CTPS2: variants seen among roughly 807,000 people sequenced by gnomAD.
CTPS2 encodes the protein CTP synthase 2, also known as CTP synthase II.
CTPS2 carries 19 observed loss-of-function variants against 46.8 expected under a neutral mutation model. The observed-to-expected ratio is 0.41, with a 90% CI of 0.28 to 0.60. The LOEUF (loss-of-function observed/expected upper bound fraction) is 0.60. Ranked by LOEUF, CTPS2 falls within the 20% of genes least tolerant of loss-of-function variation. The probability of loss-of-function intolerance (pLI) is 0.35; values close to 1 mark genes in which losing one functional copy is unlikely to be tolerated. For synonymous variants in CTPS2, 151 were observed against 165.2 expected (o/e 0.91, Z 0.66); for missense variants, 286 against 447.6 (o/e 0.64, Z 3.26).
In CTPS2 at chrX:16,602,744, C is replaced by T. The variant is rs764539479; in HGVS notation, c.1691+6797G>A. Among the ~76,000 whole-genome samples, 5 of 112,465 alleles carry T rather than the reference C, an allele frequency of 4.4e-5. No individual in the cohort carries two copies. The East Asian group carries it at 1.4e-3, about 31-fold the overall frequency. On this transcript the variant is annotated intron_variant, in intron 17 of 18. Transcript: ENST00000359276. ...TACAAATTTCACCCAGTGGCTTTAG[C>T]ATCCACTGATGATCCTTATTTGAAT... is the stretch of plus-strand genomic sequence containing the variant.
chrX:16,684,567 A>G, intron 8 of CTPS2, among the ~76,000 whole-genome samples: 1 of 110,373 alleles, frequency 9.1e-6, no homozygotes, highest in Middle Eastern at 4.6e-3. Flanking sequence ...AGAGTACAAG[A>G]GAAACTAGAT....
chrX:16,637,803 T>A (rs952196475), intron 14 of CTPS2, among the ~76,000 whole-genome samples: 2 of 112,402 alleles, frequency 1.8e-5, no homozygotes, highest in Non-Finnish European at 3.8e-5. Flanking sequence ...TGGCTTTTTA[T>A]GCAGAGAAAG....
At chrX:16,662,512 A>G (rs184585099) in intron 13 of CTPS2, among the ~76,000 whole-genome samples, 95 of 111,009 alleles carry the variant, frequency 8.6e-4, no homozygotes, top group African/African-American at 3.0e-3. Flanking sequence ...GAGGGTCATG[A>G]TGACCTATGA....
At chrX:16,668,388 C>T (rs1921378082) in intron 11 of CTPS2, among the ~76,000 whole-genome samples, 2 of 102,377 alleles carry the variant, frequency 2.0e-5, no homozygotes, top group African/African-American at 7.2e-5. Flanking sequence ...TCCTGGCTAA[C>T]ATGGTGAAAC....
chrX:16,698,200 C>G (rs1239349287), intron 4 of CTPS2, 36 bp downstream of exon 4: 1 of 982,621 alleles, frequency 1.0e-6, no homozygotes, highest in Non-Finnish European at 1.5e-6. Context: ...AAAGACCCAG[C>G]AGGATATAAT....
At chrX:16,636,510 C>T (rs762312792) in intron 14 of CTPS2, among the ~76,000 whole-genome samples, 129 of 112,526 alleles carry the variant, frequency 1.1e-3, no homozygotes, top group African/African-American at 4.0e-3. Context: ...TTAGTGGTTG[C>T]CAGGGGCTGG....
intron 17 of CTPS2, 171 bp from the exon 18 acceptor site, chrX:16,591,033 A>C (rs1222969975): frequency 8.7e-6 from 3 of 344,682 alleles, no homozygotes; most frequent in Non-Finnish European, 1.5e-5. Context: ...GTCCAATCAC[A>C]TGCAATGGCC....
intron 17 of CTPS2, chrX:16,591,187 G>T (rs991905956): frequency 1.3e-5 from 2 of 149,557 alleles, no homozygotes; most frequent in South Asian, 2.5e-4. Flanking sequence ...TTTAATAAAA[G>T]CCTTGAAAGT....
At chrX:16,690,392 C>T (rs960458358) in intron 7 of CTPS2, among the ~76,000 whole-genome samples, 2 of 110,520 alleles carry the variant, frequency 1.8e-5, no homozygotes, top group African/African-American at 3.3e-5. Context: ...AAAGATTGGA[C>T]GCAAACAAAA....
At chrX:16,618,336 A>C (rs1003494171) in intron 15 of CTPS2, among the ~76,000 whole-genome samples, 4 of 112,353 alleles carry the variant, frequency 3.6e-5, no homozygotes, top group African/African-American at 9.7e-5. Context: ...TTGCTTATCT[A>C]TTCGCCAGTT....
chrX:16,683,816 G>C (rs767911848), intron 8 of CTPS2, among the ~76,000 whole-genome samples: 2 of 112,334 alleles, frequency 1.8e-5, no homozygotes, highest in South Asian at 3.7e-4. Flanking sequence ...TATTAACTTT[G>C]TAAGGTGACA....
chrX:16,689,741 A>C (rs1277710238), intron 7 of CTPS2, 140 bp from the exon 8 acceptor site: 9 of 484,740 alleles, frequency 1.9e-5, no homozygotes, highest in Non-Finnish European at 2.7e-5. Context: ...AAAACCCAGC[A>C]ACCAAAGCTA....
intron 13 of CTPS2, among the ~76,000 whole-genome samples, chrX:16,662,978 C>T (rs949156988): frequency 9.0e-6 from 1 of 111,400 alleles, no homozygotes; most frequent in African/African-American, 3.3e-5. Context: ...TAAATTAAAG[C>T]AGCAAAATAA....
intron 4 of CTPS2, among the ~76,000 whole-genome samples, chrX:16,695,164 C>T (rs1307561578): frequency 8.9e-6 from 1 of 111,755 alleles, no homozygotes; most frequent in African/African-American, 3.3e-5. Flanking sequence ...GAGGTCTGCA[C>T]TTAAACTAAA....
chrX:16,688,939 A>C (rs1298692073), intron 8 of CTPS2, among the ~76,000 whole-genome samples: 3 of 101,421 alleles, frequency 3.0e-5, no homozygotes, highest in Non-Finnish European at 3.8e-5. Context: ...ACAAAAAAAA[A>C]AAAATATATA....
At chrX:16,701,711 C>T (rs1298580834) in intron 2 of CTPS2, among the ~76,000 whole-genome samples, 1 of 109,739 alleles carries the variant, frequency 9.1e-6, no homozygotes, top group Non-Finnish European at 1.9e-5. Context: ...CGCCATTCTC[C>T]CACCTTAGCC....
Position 16,667,572 on chromosome X carries a change from A to C in CTPS2, c.1253-15T>G, listed in dbSNP as rs145800644. The C allele has an allele frequency of 9.4e-4, 1,136 of 1,207,776 alleles. 7 individuals are homozygous for C. In the African/African-American group the frequency reaches 0.018, roughly 19 times the overall value. On this transcript the variant is annotated splice_polypyrimidine_tract_variant and intron_variant, in intron 12 of 18. Coordinates refer to ENST00000359276, the MANE Select transcript of CTPS2 (RefSeq NM_175859.3). ...GGAATCAGCATCTGAAGATTAAGAA[A>C]AGAGTTCAGTAATTCACCAATAGTG...
Position 16,664,791 on chromosome X carries a change from G to A in CTPS2, c.1296+2723C>T, listed in dbSNP as rs958913659. 1.1e-4 allele frequency among the ~76,000 whole-genome samples: 12 copies of A among 111,701 alleles called. No individual in the cohort carries two copies. The Admixed American group carries it at 1.1e-3, about 11-fold the overall frequency. ...ATCTGGAGGTACTTTTAGTGTCACA[G>A]TTGGGCAGGGGTTAGGGAGTGATAC... On this transcript the variant is annotated intron_variant, in intron 13 of 18. Transcript: ENST00000359276.
chrX:16,653,734 C>T (rs1306308884), intron 13 of CTPS2, among the ~76,000 whole-genome samples: 1 of 112,325 alleles, frequency 8.9e-6, no homozygotes, highest in Non-Finnish European at 1.9e-5. Flanking sequence ...GCATGGGAAC[C>T]ATTGAGCCAA....
Sources: gnomAD v4.1 joint callset for allele counts (sites outside exome capture counted in the v4.1 genomes callset) on GRCh38, gnomAD v4.1.1 for gene constraint, MANE v1.5 for transcripts, NCBI Gene and HGNC (gene_info 2026-07-23, HGNC 2026-07-21) for gene names.